The following GXYLT2 variants were observed in gnomAD, a reference collection of about 807,000 sequenced individuals.
GXYLT2 encodes glucoside xylosyltransferase 2.
A neutral mutation model predicts 45.8 loss-of-function variants in GXYLT2; 53 were observed. The ratio of observed to expected loss-of-function variants is 1.16; its 90% CI spans 0.93 to 1.46. The LOEUF (loss-of-function observed/expected upper bound fraction) is 1.46, where lower values mean the gene tolerates loss of function less well. Among genes scored for constraint, GXYLT2 ranks in the 40% most tolerant of loss-of-function variants. GXYLT2 has a pLI of 0.00. For synonymous variants in GXYLT2, 219 were observed against 214.2 expected (o/e 1.02, Z -0.19); for missense variants, 551 against 544.4 (o/e 1.01, Z -0.12).
At chr3:72,889,907 G>GTTTT (rs5850087) in intron 1 of GXYLT2, among the ~76,000 whole-genome samples, 11 of 118,780 alleles carry the variant, frequency 9.3e-5, no homozygotes, top group South Asian at 2.9e-4. Flanking sequence ...TTTTTTTTTT[G>GTTTT]TTTTTTTTTT....
chr3:72,964,064 C>T (rs888226112), intron 5 of GXYLT2, among the ~76,000 whole-genome samples: 1 of 152,170 alleles, frequency 6.6e-6, no homozygotes, highest in Non-Finnish European at 1.5e-5. Context: ...CCCACCTTGG[C>T]CTCCCAAAGT....
intron 3 of GXYLT2, among the ~76,000 whole-genome samples, chr3:72,933,046 T>C (rs904346357): frequency 2.0e-5 from 3 of 152,224 alleles, no homozygotes; most frequent in Admixed American, 2.0e-4. Flanking sequence ...TTCAAATTAG[T>C]GAATACATTT....
At chr3:72,918,926 A>G (rs537732601) in intron 2 of GXYLT2, among the ~76,000 whole-genome samples, 1 of 152,322 alleles carries the variant, frequency 6.6e-6, no homozygotes, top group African/African-American at 2.4e-5. Flanking sequence ...TAAGATAACA[A>G]TGAAACACCA....
rs1710668236 is a variant in GXYLT2, at chr3:72,957,342, T to C, written c.966T>C (p.Tyr322=). ...AGGATTTATTAAATATTATTTTTTATTTCAACCCAGGTAGGTTATCTTTGG... is the reference window on the plus strand; with the variant it reads ...AGGATTTATTAAATATTATTTTTTACTTCAACCCAGGTAGGTTATCTTTGG... ...GDQDLLNIIF[Y]FNPECLYVFP... The change falls in exon 5 of 7, where the codon TAT becomes TAC. Residue 322 remains tyrosine (Y), a synonymous_variant. Transcript: ENST00000389617. 6.2e-7 allele frequency: 1 copy of C among 1,607,894 alleles called. No homozygotes were observed. The highest frequency in any genetic ancestry group is 8.5e-7 in the Non-Finnish European group (1 of 1,176,814).
intron 3 of GXYLT2, among the ~76,000 whole-genome samples, chr3:72,951,617 T>G (rs183857431): frequency 5.8e-4 from 88 of 152,308 alleles, no homozygotes; most frequent in Admixed American, 1.8e-3. Context: ...CTCACGATTC[T>G]TAAGTGCTGT....
rs575526107 is a variant in GXYLT2 at position 72,923,453 on chromosome 3, T to C, written c.600+1118T>C. Among the ~76,000 whole-genome samples, 8 of 143,616 alleles carry C rather than the reference T, an allele frequency of 5.6e-5. No individual in the cohort carries two copies. The East Asian group carries it at 1.2e-3, about 21-fold the overall frequency. The allele number at this position is 143,616 out of a possible 152,430, so 94.2% of individuals were successfully genotyped here. ...AAGAAATAAAATTTTAAAAATCAAATAATAATAAAAATATTCAATAGAAAA... is the reference window on the plus strand; with the variant it reads ...AAGAAATAAAATTTTAAAAATCAAACAATAATAAAAATATTCAATAGAAAA... On this transcript the variant is annotated intron_variant, in intron 3 of 6. Coordinates refer to ENST00000389617, the MANE Select transcript of GXYLT2 (RefSeq NM_001080393.2).
At chr3:72,927,462 T>C (rs1709940604) in intron 3 of GXYLT2, among the ~76,000 whole-genome samples, 1 of 152,186 alleles carries the variant, frequency 6.6e-6, no homozygotes, top group Non-Finnish European at 1.5e-5. Flanking sequence ...ATCTGCATGC[T>C]TACCAATGAT....
chr3:72,948,564 C>T (rs758417315), intron 3 of GXYLT2, among the ~76,000 whole-genome samples: 23 of 152,138 alleles, frequency 1.5e-4, no homozygotes, highest in African/African-American at 4.8e-4. Flanking sequence ...CCGGGCCAGG[C>T]GCAGTGGCTC....
chr3:72,972,762 T>TAA (rs778605805), intron 6 of GXYLT2, among the ~76,000 whole-genome samples: 2 of 67,626 alleles, frequency 3.0e-5, no homozygotes. Flanking sequence ...CTACAAAAAT[T>TAA]AAAAAAAAAA....
intron 1 of GXYLT2, among the ~76,000 whole-genome samples, chr3:72,889,294 C>T (rs1396023669): frequency 6.6e-6 from 1 of 152,168 alleles, no homozygotes; most frequent in Non-Finnish European, 1.5e-5. Context: ...CAACAATCCC[C>T]TTGTCTTGTA....
At chr3:72,949,755 C>T (rs919266089) in intron 3 of GXYLT2, among the ~76,000 whole-genome samples, 2 of 151,806 alleles carry the variant, frequency 1.3e-5, no homozygotes, top group Non-Finnish European at 2.9e-5. Flanking sequence ...CCTCATGATC[C>T]GCTCGCCTTA....
At chr3:72,945,668 C>T (rs1365512884) in intron 3 of GXYLT2, among the ~76,000 whole-genome samples, 14 of 152,174 alleles carry the variant, frequency 9.2e-5, no homozygotes, top group Non-Finnish European at 2.1e-4. Flanking sequence ...GAGTGAAGTG[C>T]TCTGCCTGGC....
chr3:72,944,052 T>G (rs138141398), intron 3 of GXYLT2, among the ~76,000 whole-genome samples: 3 of 152,126 alleles, frequency 2.0e-5, no homozygotes, highest in Admixed American at 6.5e-5. Flanking sequence ...TGATTCTGTA[T>G]AGATTAATAG....
At chr3:72,967,460 G>A in intron 5 of GXYLT2, 87 bp from the exon 6 acceptor site, 1 of 987,034 alleles carries the variant, frequency 1.0e-6, no homozygotes, top group South Asian at 1.5e-5. Context: ...GCTGTGTACA[G>A]TTAGTGGAAA....
At chr3:72,940,772 C>G (rs1312342124) in intron 3 of GXYLT2, among the ~76,000 whole-genome samples, 1 of 152,172 alleles carries the variant, frequency 6.6e-6, no homozygotes, top group African/African-American at 2.4e-5. Context: ...GCCTCCACCT[C>G]CTGAGCTCAG....
At chr3:72,955,029 G>A in intron 3 of GXYLT2, 69 bp from the exon 4 acceptor site, 1 of 1,539,786 alleles carries the variant, frequency 6.5e-7, no homozygotes, top group Non-Finnish European at 8.8e-7. Context: ...TACTTCCTTT[G>A]TTTCTGACCT....
intron 5 of GXYLT2, among the ~76,000 whole-genome samples, chr3:72,961,451 A>T (rs1440505145): frequency 6.6e-6 from 1 of 152,026 alleles, no homozygotes; most frequent in African/African-American, 2.4e-5. Context: ...GTTGCCAAGG[A>T]CCAAAGTAGT....
chr3:72,927,410 C>G (rs1283158486), intron 3 of GXYLT2, among the ~76,000 whole-genome samples: 1 of 152,104 alleles, frequency 6.6e-6, no homozygotes. Context: ...TTTCTACTTA[C>G]GGCTTGTTAA....
chr3:72,946,753 T>G (rs1710419570), intron 3 of GXYLT2, among the ~76,000 whole-genome samples: 2 of 152,150 alleles, frequency 1.3e-5, no homozygotes, highest in African/African-American at 4.8e-5. Context: ...CATATGAACT[T>G]GGGGGAAACA....
Sources: gnomAD v4.1 joint callset for allele counts (sites outside exome capture counted in the v4.1 genomes callset) on GRCh38, gnomAD v4.1.1 for gene constraint, MANE v1.5 for transcripts, NCBI Gene and HGNC (gene_info 2026-07-23, HGNC 2026-07-21) for gene names.